IFFO2: variants seen among roughly 807,000 people sequenced by gnomAD.
The protein encoded by IFFO2 is intermediate filament family orphan 2.
IFFO2 carries 19 observed loss-of-function variants against 53.5 expected under a neutral mutation model. That is an observed-to-expected ratio of 0.36 (90% CI 0.25 to 0.52). The LOEUF is 0.52. Ranked by LOEUF, IFFO2 falls within the 20% of genes least tolerant of loss-of-function variation. The probability of loss-of-function intolerance (pLI) is 0.94; values close to 1 mark genes in which losing one functional copy is unlikely to be tolerated. For missense variants in IFFO2, 570 were observed against 727.4 expected (o/e 0.78, Z 2.49); for synonymous variants, 303 against 313.6 (o/e 0.97, Z 0.36).
intron 1 of IFFO2, among the ~76,000 whole-genome samples, chr1:18,951,516 G>A (rs75028091): frequency 1.7e-3 from 255 of 152,338 alleles, no homozygotes; most frequent in African/African-American, 5.6e-3. Flanking sequence ...GGCTGGACAG[G>A]CTTCTGGACA....
chr1:18,910,295 C>T, intron 8 of IFFO2, 47 bp downstream of exon 8: 1 of 1,560,614 alleles, frequency 6.4e-7, no homozygotes, highest in Non-Finnish European at 8.7e-7. Flanking sequence ...TGGGAATTCC[C>T]CTCCAAGGAT....
At chr1:18,951,609 A>G (rs1245414545) in intron 1 of IFFO2, among the ~76,000 whole-genome samples, 1 of 152,118 alleles carries the variant, frequency 6.6e-6, no homozygotes, top group Non-Finnish European at 1.5e-5. Context: ...TTCCTCTACC[A>G]GCCCAGGGCA....
Position 18,955,890 on chromosome 1 carries a change from C to A in IFFO2, c.443G>T (p.Gly148Val). 7.4e-7 allele frequency: 1 copy of A among 1,353,838 alleles called. No individual in the cohort carries two copies. The highest frequency in any genetic ancestry group is 9.4e-7 in the Non-Finnish European group (1 of 1,062,528). 83.9% of individuals were successfully genotyped at this position (1,353,838 alleles called of 1,614,324 possible). A position where few individuals can be genotyped will look rare whatever the true frequency, so the allele number is the denominator to read the frequency against. The change falls in exon 1 of 9, where the codon GGC (glycine) becomes GTC (valine). Residue 148 changes from glycine to valine, a missense_variant. Gly to Val is a moderately radical substitution (Grantham distance 109). Coordinates refer to ENST00000455833, the MANE Select transcript of IFFO2 (RefSeq NM_001136265.2). Reference protein sequence around the residue: ...VALGGLPPGGGSHPQHYGRLP... With the variant: ...VALGGLPPGGVSHPQHYGRLP... ...GCGGCCGTAGTGCTGCGGGTGCGAGCCGCCGCCGGGGGGCAGGCCGCCCAG... is the reference window on the plus strand; with the variant it reads ...GCGGCCGTAGTGCTGCGGGTGCGAGACGCCGCCGGGGGGCAGGCCGCCCAG...
intron 5 of IFFO2, among the ~76,000 whole-genome samples, chr1:18,913,723 C>T (rs1320246675): frequency 1.3e-5 from 2 of 152,234 alleles, no homozygotes; most frequent in African/African-American, 2.4e-5. Context: ...AGGCCCAGGG[C>T]CCCGCCTGGG....
intron 8 of IFFO2, among the ~76,000 whole-genome samples, chr1:18,909,849 C>T (rs1224481379): frequency 6.6e-6 from 1 of 152,192 alleles, no homozygotes; most frequent in Non-Finnish European, 1.5e-5. Flanking sequence ...CCTCCCACCT[C>T]AGCCTCCCAA....
In IFFO2 at chr1:18,936,344, A is replaced by C. The variant is rs1936446909; in HGVS notation, c.666-15223T>G. On this transcript the variant is annotated intron_variant, in intron 1 of 8. Transcript: ENST00000455833. The surrounding 1 kb of genome is among the most constrained non-coding windows in gnomAD (Gnocchi z 4.5). The stretch of plus-strand genomic sequence containing the variant: ...GGAAAGTTGGTGTCCACGGCTCTCC[A>C]TCCCTGGGACATTGTCTTTCTGCCT... Among the ~76,000 whole-genome samples the C allele has an allele frequency of 6.6e-6, 1 of 152,136 alleles. No individual in the cohort carries two copies. Among genetic ancestry groups the C allele is most frequent in the Non-Finnish European group, 1.5e-5 (1 of 68,012 alleles).
intron 5 of IFFO2, 130 bp from the exon 6 acceptor site, chr1:18,912,213 GT>G: frequency 9.4e-7 from 1 of 1,059,582 alleles, no homozygotes; most frequent in Non-Finnish European, 1.3e-6. Context: ...GACAGGGGTA[GT>G]AAGCCAAAGG....
At chr1:18,926,343 A>AG (rs1936296764) in intron 1 of IFFO2, among the ~76,000 whole-genome samples, 1 of 152,124 alleles carries the variant, frequency 6.6e-6, no homozygotes, top group Non-Finnish European at 1.5e-5. Flanking sequence ...AGGCCAGGCC[A>AG]GGGGGAGGGA....
In IFFO2 at chr1:18,923,352, T is replaced by C. The variant is rs866146226; in HGVS notation, c.666-2231A>G. Among the ~76,000 whole-genome samples the C allele has an allele frequency of 7.2e-5, 11 of 152,262 alleles. No homozygotes were observed. In the South Asian group the frequency reaches 8.3e-4, roughly 11 times the overall value. Reference sequence around the variant, plus strand: ...ATGAGGAAGGCGAGGCAGGGGCCAATAGAACCCTTGTACAGACGGAGAAAA... The same window carrying C: ...ATGAGGAAGGCGAGGCAGGGGCCAACAGAACCCTTGTACAGACGGAGAAAA... On this transcript the variant is annotated intron_variant, in intron 1 of 8. Transcript: ENST00000455833.
intron 1 of IFFO2, among the ~76,000 whole-genome samples, chr1:18,935,479 C>T (rs947922635): frequency 6.6e-6 from 1 of 152,102 alleles, no homozygotes; most frequent in African/African-American, 2.4e-5. Context: ...ACAGGTTCTA[C>T]ACCCCTTCCC....
chr1:18,920,220 G>C (rs1936198127), intron 2 of IFFO2, among the ~76,000 whole-genome samples: 1 of 152,130 alleles, frequency 6.6e-6, no homozygotes, highest in Admixed American at 6.5e-5. Context: ...AGGAGGAACT[G>C]GAAATAATTT....
Position 18,913,855 on chromosome 1 carries a change from C to T in IFFO2, c.1104-1772G>A, listed in dbSNP as rs544615473. 1.0e-3 allele frequency among the ~76,000 whole-genome samples: 157 copies of T among 152,192 alleles called. 3 individuals are homozygous for T. Among genetic ancestry groups the T allele is most frequent in the Non-Finnish European group, 7.8e-4 (53 of 67,996 alleles). On this transcript the variant is annotated intron_variant, in intron 5 of 8. Coordinates refer to ENST00000455833, the MANE Select transcript of IFFO2 (RefSeq NM_001136265.2). ...TGTTTGTTTGTTTGTTTGTTTGAGA[C>T]GGAGTCTCGCTGTCGCCCAGGCTGG... is the stretch of plus-strand genomic sequence containing the variant.
At chr1:18,944,119 G>A (rs571535362) in intron 1 of IFFO2, among the ~76,000 whole-genome samples, 1 of 152,258 alleles carries the variant, frequency 6.6e-6, no homozygotes, top group South Asian at 2.1e-4. Flanking sequence ...TCCTTCGCTG[G>A]GCCTCAGTTT....
intron 1 of IFFO2, among the ~76,000 whole-genome samples, chr1:18,938,133 G>A (rs1018913414): frequency 1.3e-5 from 2 of 152,256 alleles, no homozygotes. Flanking sequence ...AGGCAGAGCT[G>A]GGATGGGCGT....
rs555831566 is a variant in IFFO2 at position 18,934,667 on chromosome 1, G to A, written c.666-13546C>T. 6.6e-5 allele frequency among the ~76,000 whole-genome samples: 10 copies of A among 152,234 alleles called. No individual in the cohort carries two copies. The South Asian group carries it at 8.3e-4, about 13-fold the overall frequency. On this transcript the variant is annotated intron_variant, in intron 1 of 8. Transcript: ENST00000455833. ...GAATCCCCCTCCCTGAGAGAATTAC[G>A]GTTAACATCGGCTCTATATCCTTCC...
intron 5 of IFFO2, among the ~76,000 whole-genome samples, chr1:18,913,154 G>T (rs1408871923): frequency 6.6e-6 from 1 of 152,234 alleles, no homozygotes; most frequent in Non-Finnish European, 1.5e-5. Flanking sequence ...CAATGGACTG[G>T]GTTGGGGACT....
intron 1 of IFFO2, among the ~76,000 whole-genome samples, chr1:18,941,154 G>T (rs1012430565): frequency 1.3e-5 from 2 of 152,226 alleles, no homozygotes; most frequent in East Asian, 1.9e-4. Context: ...GGAGTGGTGC[G>T]ATGTTCCAGA....
At chr1:18,909,295 G>C (rs1935998410) in intron 8 of IFFO2, among the ~76,000 whole-genome samples, 1 of 152,174 alleles carries the variant, frequency 6.6e-6, no homozygotes, top group African/African-American at 2.4e-5. Flanking sequence ...TGTGCTGTGT[G>C]GCAGGCATTC....
intron 6 of IFFO2, among the ~76,000 whole-genome samples, 181 bp downstream of exon 6, chr1:18,911,782 G>T (rs745903777): frequency 9.2e-5 from 14 of 152,026 alleles, no homozygotes; most frequent in Non-Finnish European, 1.9e-4. Context: ...CAGGTGATCC[G>T]CCCACCTCGG....
Sources: allele counts gnomAD v4.1 joint callset (sites outside exome capture counted in the v4.1 genomes callset), GRCh38; gene constraint gnomAD v4.1.1; non-coding constraint Gnocchi (gnomAD v3.1); transcripts MANE v1.5; gene names NCBI Gene and HGNC (gene_info 2026-07-23, HGNC 2026-07-21).